IGFL2: variants seen among roughly 807,000 people sequenced by gnomAD.
The protein encoded by IGFL2 is IGF like family member 2, also known as insulin growth factor-like family member 2.
A neutral mutation model predicts 13.9 loss-of-function variants in IGFL2; 7 were observed. The observed-to-expected ratio is 0.51, with a 90% CI of 0.29 to 0.95. The LOEUF (loss-of-function observed/expected upper bound fraction) is 0.95. Among genes scored for constraint, IGFL2 ranks in the 40% least tolerant of loss-of-function variants. The pLI is 0.08. For synonymous variants in IGFL2, 55 were observed against 55.8 expected (o/e 0.99, Z 0.07); for missense variants, 138 against 147.8 (o/e 0.93, Z 0.34).
chr19:46,184,904 C>T, the IGFL2 span, among the ~76,000 whole-genome samples: 1 of 152,158 alleles, frequency 6.6e-6, no homozygotes, highest in South Asian at 2.1e-4. Flanking sequence ...TTCTCCACAT[C>T]TTCTGTTGTT....
the IGFL2 span, chr19:46,123,791 G>A: frequency 2.6e-5 from 36 of 1,378,430 alleles, no homozygotes; most frequent in Middle Eastern, 2.2e-4. Context: ...CTCTTTTGCC[G>A]TTAGAACTCC....
At chr19:46,157,241 T>C (rs1568430797) in intron 1 of IGFL2, among the ~76,000 whole-genome samples, 3 of 152,184 alleles carry the variant, frequency 2.0e-5, no homozygotes, top group African/African-American at 7.2e-5. Flanking sequence ...ATCCAGAGAA[T>C]AGAATAGGAG....
intron 1 of IGFL2, chr19:46,148,877 C>T: frequency 1.3e-6 from 2 of 1,535,088 alleles, no homozygotes; most frequent in Non-Finnish European, 1.8e-6. Flanking sequence ...ACTAGATCTG[C>T]AATCTGTTGG....
chr19:46,193,147 G>A, the IGFL2 span, among the ~76,000 whole-genome samples: 6 of 152,242 alleles, frequency 3.9e-5, no homozygotes, highest in South Asian at 6.2e-4. Flanking sequence ...AGCCAAGATC[G>A]TGTCACTGCA....
chr19:46,136,987 C>T, the IGFL2 span: 1 of 1,531,032 alleles, frequency 6.5e-7, no homozygotes, highest in South Asian at 1.1e-5. Flanking sequence ...TGTCCCACAC[C>T]AACTGACTGG....
At chr19:46,138,929 G>A (rs1292888005), upstream of IGFL2, among the ~76,000 whole-genome samples, 1 of 151,642 alleles carries the variant, frequency 6.6e-6, no homozygotes, top group Non-Finnish European at 1.5e-5. Context: ...CACTGCAGCT[G>A]TTTCCAAACC....
the IGFL2 span, among the ~76,000 whole-genome samples, chr19:46,101,789 G>T: frequency 1.3e-5 from 2 of 152,178 alleles, no homozygotes; most frequent in Admixed American, 6.5e-5. Context: ...CAGCTCTGTG[G>T]TTGGGACCTA....
the IGFL2 span, among the ~76,000 whole-genome samples, chr19:46,106,576 T>G: frequency 2.6e-5 from 4 of 152,036 alleles, no homozygotes; most frequent in East Asian, 7.7e-4. Context: ...AGGGAGGTAT[T>G]GAGGATAGGA....
chr19:46,214,642 A>G, the IGFL2 span: 6 of 151,618 alleles, frequency 4.0e-5, no homozygotes, highest in African/African-American at 1.5e-4. Context: ...TCATCCACTC[A>G]TGTCCTCCAG....
the IGFL2 span, among the ~76,000 whole-genome samples, chr19:46,084,406 T>C: frequency 1.3e-5 from 2 of 152,258 alleles, no homozygotes; most frequent in Non-Finnish European, 2.9e-5. Flanking sequence ...AGTCCCCTAC[T>C]ATTACTGCAT....
chr19:46,151,371 A>G (rs1043799429), intron 1 of IGFL2, among the ~76,000 whole-genome samples: 7 of 152,106 alleles, frequency 4.6e-5, no homozygotes, highest in Admixed American at 1.3e-4. Context: ...CCCTTACTTC[A>G]TAGTCCTAGC....
At chr19:46,188,725 C>T in the IGFL2 span, among the ~76,000 whole-genome samples, 1 of 152,238 alleles carries the variant, frequency 6.6e-6, no homozygotes, top group South Asian at 2.1e-4. Flanking sequence ...AGATGTATGG[C>T]TGGTGGGAGG....
the IGFL2 span, among the ~76,000 whole-genome samples, chr19:46,085,408 G>A: frequency 6.6e-6 from 1 of 151,960 alleles, no homozygotes; most frequent in East Asian, 1.9e-4. Context: ...TTTCCTTTTT[G>A]ATCATTATTG....
the IGFL2 span, chr19:46,197,205 TC>T: frequency 9.5e-6 from 2 of 210,708 alleles, no homozygotes; most frequent in African/African-American, 2.3e-5. Flanking sequence ...GGTCCCTCAG[TC>T]CCCCAGCGTC....
At chr19:46,203,425 T>C in the IGFL2 span, 4 of 152,640 alleles carry the variant, frequency 2.6e-5, no homozygotes, top group Non-Finnish European at 5.9e-5. Context: ...GTTGGCCAGC[T>C]GCACTAGAGC....
At chr19:46,162,041 C>G (rs1325098564), downstream of IGFL2, among the ~76,000 whole-genome samples, 1 of 152,180 alleles carries the variant, frequency 6.6e-6, no homozygotes, top group African/African-American at 2.4e-5. Context: ...ATTTGCTTAT[C>G]TGAAAAGGAT....
chr19:46,197,783 C>T, the IGFL2 span, among the ~76,000 whole-genome samples: 1 of 152,090 alleles, frequency 6.6e-6, no homozygotes, highest in Non-Finnish European at 1.5e-5. Flanking sequence ...CCTCCCTCCT[C>T]ATCCTCCCAA....
the IGFL2 span, chr19:46,209,070 C>T: frequency 2.6e-5 from 4 of 151,238 alleles, no homozygotes; most frequent in East Asian, 7.8e-4. Context: ...GGGTCATCAC[C>T]GTTTTTGGAG....
At chr19:46,082,649 A>C in the IGFL2 span, among the ~76,000 whole-genome samples, 1 of 149,394 alleles carries the variant, frequency 6.7e-6, no homozygotes, top group South Asian at 2.1e-4. Context: ...TTTTTTGAAG[A>C]CACTCCACTC....
Sources: gnomAD v4.1 joint callset for allele counts (sites outside exome capture counted in the v4.1 genomes callset) on GRCh38, gnomAD v4.1.1 for gene constraint, MANE v1.5 for transcripts, NCBI Gene and HGNC (gene_info 2026-07-23, HGNC 2026-07-21) for gene names.